The following CSTF3 variants were observed in gnomAD, a reference collection of about 807,000 sequenced individuals.
The protein encoded by CSTF3 is cleavage stimulation factor subunit 3.
CSTF3 carries 29 observed loss-of-function variants against 105.8 expected under a neutral mutation model. The ratio of observed to expected loss-of-function variants is 0.27; its 90% CI spans 0.20 to 0.37. CSTF3 has a LOEUF of 0.37. Among genes scored for constraint, CSTF3 ranks in the 10% least tolerant of loss-of-function variants. The pLI is 1.00. For missense variants in CSTF3, 357 were observed against 879.3 expected (o/e 0.41, Z 7.51); for synonymous variants, 252 against 281.9 (o/e 0.89, Z 1.06).
intron 3 of CSTF3, 108 bp from the exon 4 acceptor site, chr11:33,108,526 T>A: frequency 1.3e-6 from 1 of 799,782 alleles, no homozygotes; most frequent in East Asian, 3.8e-5. Context: ...TATAGTTTCT[T>A]ATTAATTTTT....
In CSTF3 at chr11:33,105,556, A is replaced by C. The variant is rs762386921; in HGVS notation, c.585+11T>G. 4 of 1,601,942 alleles carry C rather than the reference A, an allele frequency of 2.5e-6. No individual in the cohort carries two copies. The South Asian group carries it at 4.5e-5, about 18-fold the overall frequency. On this transcript the variant is annotated intron_variant, in intron 8 of 20. Coordinates refer to ENST00000323959, the MANE Select transcript of CSTF3 (RefSeq NM_001326.3). ...TGGTTTATAATAAACAACTACTCTG[A>C]CCTAATTTACCTCTTCATACTTGTT...
At chr11:33,086,306 A>G (rs1051243931) in intron 18 of CSTF3, among the ~76,000 whole-genome samples, 7 of 152,256 alleles carry the variant, frequency 4.6e-5, no homozygotes, top group Non-Finnish European at 8.8e-5. Flanking sequence ...ATTATTCAAC[A>G]GTGTATTTAA....
intron 1 of CSTF3, among the ~76,000 whole-genome samples, chr11:33,151,061 A>G (rs950869961): frequency 2.6e-5 from 4 of 152,102 alleles, no homozygotes; most frequent in African/African-American, 9.7e-5. Flanking sequence ...CCCAAAGAGA[A>G]ATCTGTACCT....
Position 33,098,690 on chromosome 11 carries a change from C to T in CSTF3, c.1128G>A (p.Leu376=), listed in dbSNP as rs1855249406. ...LLAIEDIDPT[L]VYIQYMKFAR... is the part of the protein sequence containing the mutation. ...AAAAAAGATTTGTAAAGTTACTCAC[C>T]AAGGTAGGGTCAATATCCTCAATTG... Residue 376 remains leucine (L), a splice_region_variant and synonymous_variant, in exon 13 of 21, where the codon TTG becomes TTA. Coordinates refer to ENST00000323959, the MANE Select transcript of CSTF3 (RefSeq NM_001326.3). The T allele has an allele frequency of 6.4e-7, 1 of 1,572,426 alleles. No individual in the cohort carries two copies. The highest frequency in any genetic ancestry group is 8.6e-7 in the Non-Finnish European group (1 of 1,156,426).
intron 1 of CSTF3, among the ~76,000 whole-genome samples, chr11:33,153,533 G>A (rs1565021625): frequency 6.6e-6 from 1 of 152,038 alleles, no homozygotes; most frequent in Non-Finnish European, 1.5e-5. Flanking sequence ...AGCACTTTGG[G>A]AGGCTGAGGT....
intron 3 of CSTF3, among the ~76,000 whole-genome samples, chr11:33,116,299 G>T (rs1331976505): frequency 2.6e-5 from 4 of 152,142 alleles, no homozygotes; most frequent in Non-Finnish European, 5.9e-5. Flanking sequence ...AACTATTAAA[G>T]AGTTTATGAC....
intron 1 of CSTF3, among the ~76,000 whole-genome samples, chr11:33,148,853 T>A (rs1244706805): frequency 7.2e-6 from 1 of 138,112 alleles, no homozygotes; most frequent in African/African-American, 2.7e-5. Flanking sequence ...GTGTGTACTG[T>A]TGCTGTGTTT....
intron 1 of CSTF3, among the ~76,000 whole-genome samples, chr11:33,153,510 C>T (rs1022548256): frequency 1.3e-5 from 2 of 151,884 alleles, no homozygotes; most frequent in South Asian, 2.1e-4. Context: ...CAGTGGGTCA[C>T]AACTGTAATC....
At chr11:33,107,819 G>A in intron 5 of CSTF3, 84 bp downstream of exon 5, 1 of 711,934 alleles carries the variant, frequency 1.4e-6, no homozygotes, top group South Asian at 2.0e-5. Context: ...TTCCCACTTG[G>A]GGCTAACAGA....
intron 3 of CSTF3, among the ~76,000 whole-genome samples, chr11:33,113,688 T>C (rs1254301329): frequency 6.6e-6 from 1 of 152,176 alleles, no homozygotes; most frequent in Non-Finnish European, 1.5e-5. Context: ...ACTTCCTTTT[T>C]TTTAATAGAA....
intron 1 of CSTF3, among the ~76,000 whole-genome samples, chr11:33,150,053 A>AACG (rs1452471850): frequency 6.6e-6 from 1 of 150,860 alleles, no homozygotes; most frequent in Non-Finnish European, 1.5e-5. Flanking sequence ...CAACAACAAC[A>AACG]ACAAAACAAA....
intron 15 of CSTF3, among the ~76,000 whole-genome samples, chr11:33,095,177 G>A (rs1452990022): frequency 6.6e-6 from 1 of 152,206 alleles, no homozygotes; most frequent in Non-Finnish European, 1.5e-5. Flanking sequence ...TGGGATTACA[G>A]GCATAAGCCA....
rs531950309 is a variant in CSTF3 at position 33,143,863 on chromosome 11, G to A, written c.28-1877C>T. 4.0e-5 allele frequency among the ~76,000 whole-genome samples: 6 copies of A among 151,730 alleles called. No homozygotes were observed. The East Asian group carries it at 7.8e-4, about 20-fold the overall frequency. On this transcript the variant is annotated intron_variant, in intron 1 of 20. Coordinates refer to ENST00000323959, the MANE Select transcript of CSTF3 (RefSeq NM_001326.3). ...AAATTAGCCGGGCATGGTGGTGGGC[G>A]CCTGTAGTCCCAGCTACTCGGGAGG...
intron 3 of CSTF3, among the ~76,000 whole-genome samples, chr11:33,126,376 GAGGTTAC>G (rs1855543119): frequency 6.6e-6 from 1 of 152,062 alleles, no homozygotes; most frequent in Non-Finnish European, 1.5e-5. Context: ...CCACACGGTG[GAGGTTAC>G]AGGTTACAGT....
rs573418125 is a variant in CSTF3 at position 33,148,526 on chromosome 11, G to A, written c.28-6540C>T. On this transcript the variant is annotated intron_variant, in intron 1 of 20. Transcript: ENST00000323959. Reference sequence around the variant, plus strand: ...AGCCTGACCAACACAGTGACACCCCGTCTCTACTAAAAATACAAAAATTAG... The same window carrying A: ...AGCCTGACCAACACAGTGACACCCCATCTCTACTAAAAATACAAAAATTAG... Among the ~76,000 whole-genome samples the A allele has an allele frequency of 4.7e-5, 7 of 147,554 alleles. 1 individual carries two copies. The highest frequency in any genetic ancestry group is 2.2e-4 in the East Asian group (1 of 4,590).
rs140051540 is a variant in CSTF3, at chr11:33,148,825, C to T, written c.28-6839G>A. Among the ~76,000 whole-genome samples the T allele has an allele frequency of 1.5e-4, 22 of 149,988 alleles. 1 individual carries two copies. The East Asian group carries it at 3.7e-3, about 25-fold the overall frequency. The stretch of plus-strand genomic sequence containing the variant: ...AAATACATAAATTCTGAGGGATTTC[C>T]AAGGAAAAAGCATGTGTGTGTGTAC... On this transcript the variant is annotated intron_variant, in intron 1 of 20. Transcript: ENST00000323959.
At chr11:33,140,984 C>T (rs1332189163) in intron 3 of CSTF3, 1 of 151,858 alleles carries the variant, frequency 6.6e-6, no homozygotes, top group Admixed American at 6.6e-5. Context: ...TCCTCCTAAC[C>T]ATAATCATGA....
intron 3 of CSTF3, among the ~76,000 whole-genome samples, chr11:33,127,489 A>ATTACATCAACACATTC (rs1855555472): frequency 6.6e-6 from 1 of 152,210 alleles, no homozygotes; most frequent in African/African-American, 2.4e-5. Context: ...TGTCATTACT[A>ATTACATCAACACATTC]TTACATCAAC....
chr11:33,106,975 T>A (rs1298396351), intron 5 of CSTF3, among the ~76,000 whole-genome samples: 1 of 151,876 alleles, frequency 6.6e-6, no homozygotes, highest in East Asian at 1.9e-4. Flanking sequence ...CACTTCAATA[T>A]AAGACAATAA....
Sources: gnomAD v4.1 joint callset for allele counts (sites outside exome capture counted in the v4.1 genomes callset) on GRCh38, gnomAD v4.1.1 for gene constraint, MANE v1.5 for transcripts, NCBI Gene and HGNC (gene_info 2026-07-23, HGNC 2026-07-21) for gene names.